LRP1B: variants seen among roughly 807,000 people sequenced by gnomAD.
LRP1B encodes the protein low-density lipoprotein receptor-related protein 1B.
Under a neutral mutation model 556.6 loss-of-function variants are expected in LRP1B, and 217 were observed. The ratio of observed to expected loss-of-function variants is 0.39; its 90% CI spans 0.35 to 0.44. LRP1B has a LOEUF of 0.44. LRP1B is among the 20% of genes least tolerant of loss of function. LRP1B has a pLI of 1.00. For synonymous variants in LRP1B, 2,047 were observed against 1,865.8 expected (o/e 1.10, Z -2.50); for missense variants, 5,053 against 5,620.8 (o/e 0.90, Z 3.23).
chr2:140,976,248 TCTC>T (rs1340213137), intron 18 of LRP1B, among the ~76,000 whole-genome samples: 4 of 151,754 alleles, frequency 2.6e-5, no homozygotes, highest in Non-Finnish European at 4.4e-5. Flanking sequence ...TCTTCTCTCT[TCTC>T]CTCTCCTGTC....
intron 1 of LRP1B, among the ~76,000 whole-genome samples, chr2:141,995,742 T>A (rs1010061392): frequency 1.1e-4 from 17 of 152,226 alleles, no homozygotes; most frequent in African/African-American, 3.4e-4. Context: ...GGATTTTAGC[T>A]TTTATTGGTG....
chr2:140,791,020 C>T (rs1690100668), intron 32 of LRP1B, among the ~76,000 whole-genome samples: 1 of 151,120 alleles, frequency 6.6e-6, no homozygotes, highest in African/African-American at 2.4e-5. Context: ...CTTTGGGAGG[C>T]CGAGGAGGGT....
chr2:142,125,508 T>C (rs1295224060), intron 1 of LRP1B, among the ~76,000 whole-genome samples: 1 of 151,852 alleles, frequency 6.6e-6, no homozygotes, highest in Non-Finnish European at 1.5e-5. Context: ...AACCAACTTT[T>C]AAAAACTCAA....
At chr2:140,949,961 A>AAAAAAAAAAAAG (rs1559212567) in intron 20 of LRP1B, among the ~76,000 whole-genome samples, 2 of 90,920 alleles carry the variant, frequency 2.2e-5, no homozygotes, top group Non-Finnish European at 4.1e-5. Flanking sequence ...AAAAAAAAAA[A>AAAAAAAAAAAAG]AAAGAAAAAA....
intron 6 of LRP1B, among the ~76,000 whole-genome samples, chr2:141,200,846 G>C (rs1338404299): frequency 6.6e-6 from 1 of 152,130 alleles, no homozygotes; most frequent in East Asian, 1.9e-4. Flanking sequence ...CCCATAGTAA[G>C]TGTTCCGTGA....
intron 2 of LRP1B, among the ~76,000 whole-genome samples, chr2:141,612,022 C>T (rs553353407): frequency 6.6e-6 from 1 of 152,326 alleles, no homozygotes; most frequent in East Asian, 1.9e-4. Flanking sequence ...AAGTATGGAA[C>T]TACAATGGGT....
chr2:140,448,248 G>A (rs1210652078), intron 63 of LRP1B, among the ~76,000 whole-genome samples: 2 of 152,008 alleles, frequency 1.3e-5, no homozygotes, highest in Admixed American at 1.3e-4. Context: ...AATAAAATAA[G>A]TTATGCCTGT....
chr2:140,233,184 G>A lies in LRP1B; in HGVS notation c.*2C>T, dbSNP rs1680542617. ...TATACAGCATATAAAAGATATCACT[G>A]ATTATGCCACTGTCTCTCTTATACC... On this transcript the variant is annotated 3_prime_UTR_variant, in exon 91 of 91. Transcript: ENST00000389484. 6.3e-7 allele frequency: 1 copy of A among 1,581,332 alleles called. No homozygotes were observed. The highest frequency in any genetic ancestry group is 8.6e-7 in the Non-Finnish European group (1 of 1,156,338).
chr2:140,345,817 T>G (rs985636716), intron 77 of LRP1B, among the ~76,000 whole-genome samples: 1 of 134,820 alleles, frequency 7.4e-6, no homozygotes, highest in African/African-American at 2.7e-5. Flanking sequence ...CACATATATA[T>G]ACATATATAC....
chr2:141,563,276 C>T (rs888771643), intron 2 of LRP1B, among the ~76,000 whole-genome samples: 4 of 151,860 alleles, frequency 2.6e-5, no homozygotes, highest in African/African-American at 7.3e-5. Flanking sequence ...AATGTTGATC[C>T]AGATTTGGAA....
intron 2 of LRP1B, among the ~76,000 whole-genome samples, chr2:141,713,020 A>G (rs1692424383): frequency 6.6e-6 from 1 of 151,626 alleles, no homozygotes; most frequent in African/African-American, 2.4e-5. Context: ...TTAGACAGAT[A>G]TTATCCTAAC....
chr2:141,120,084 C>A (rs2104993445), intron 7 of LRP1B, among the ~76,000 whole-genome samples: 1 of 151,998 alleles, frequency 6.6e-6, no homozygotes, highest in Admixed American at 6.6e-5. Flanking sequence ...TACAACTCTT[C>A]ATTGAGTGAC....
At chr2:141,810,896 G>A (rs1866026) in intron 1 of LRP1B, among the ~76,000 whole-genome samples, 46,732 of 151,738 alleles carry the variant, frequency 0.31, 7,331 homozygotes, top group East Asian at 0.39. Context: ...ACGTCTCTAC[G>A]TGAGTTGGAT....
intron 2 of LRP1B, among the ~76,000 whole-genome samples, chr2:141,573,773 T>G (rs1361487121): frequency 6.6e-6 from 1 of 151,938 alleles, no homozygotes; most frequent in African/African-American, 2.4e-5. Context: ...ATATCACCAC[T>G]GATCCCACAG....
chr2:141,590,101 A>T (rs928578444), intron 2 of LRP1B, among the ~76,000 whole-genome samples: 3 of 152,164 alleles, frequency 2.0e-5, no homozygotes, highest in Non-Finnish European at 2.9e-5. Flanking sequence ...ATGCAGAAAA[A>T]AAAATGGTTA....
chr2:141,894,635 T>TAGATCTAGATC (rs1699386754), intron 1 of LRP1B, among the ~76,000 whole-genome samples: 2 of 147,828 alleles, frequency 1.4e-5, no homozygotes, highest in Admixed American at 6.7e-5. Flanking sequence ...AATAGAATAT[T>TAGATCTAGATC]TAGATCTAGA....
At chr2:141,533,119 G>A (rs1033297494) in intron 2 of LRP1B, among the ~76,000 whole-genome samples, 3 of 152,038 alleles carry the variant, frequency 2.0e-5, no homozygotes, top group African/African-American at 4.8e-5. Context: ...ACTTATCCTC[G>A]GTCCTTTGTC....
In LRP1B at chr2:141,343,686, C is replaced by T. The variant is rs770353794; in HGVS notation, c.344-89045G>A. On this transcript the variant is annotated intron_variant, in intron 3 of 90. Transcript: ENST00000389484. ...CTTTATGATGTGTGAATCACTCTGG[C>T]TGATGGGAAGAGGCACTATGTCCAG... is the stretch of plus-strand genomic sequence containing the variant. 3.3e-5 allele frequency among the ~76,000 whole-genome samples: 5 copies of T among 152,158 alleles called. No homozygotes were observed. In the East Asian group the frequency reaches 7.7e-4, roughly 23 times the overall value.
At chr2:141,466,856 T>G (rs1329096672) in intron 3 of LRP1B, among the ~76,000 whole-genome samples, 1 of 151,414 alleles carries the variant, frequency 6.6e-6, no homozygotes, top group African/African-American at 2.4e-5. Context: ...AAAACTACTT[T>G]TTTTTTTAAT....
Sources: gnomAD v4.1 joint callset for allele counts (sites outside exome capture counted in the v4.1 genomes callset) on GRCh38, gnomAD v4.1.1 for gene constraint, MANE v1.5 for transcripts, NCBI Gene and HGNC (gene_info 2026-07-23, HGNC 2026-07-21) for gene names.